Variants in MIS18A observed in about 807,000 individuals in gnomAD.
MIS18A encodes protein Mis18-alpha.
MIS18A carries 14 observed loss-of-function variants against 25.0 expected under a neutral mutation model. The observed-to-expected ratio is 0.56, with a 90% CI of 0.37 to 0.88. The LOEUF (loss-of-function observed/expected upper bound fraction) is 0.88, where lower values mean the gene tolerates loss of function less well. MIS18A is among the 40% of genes least tolerant of loss of function. The pLI, the probability that MIS18A is intolerant of heterozygous loss-of-function variation, is 0.00. For synonymous variants in MIS18A, 134 were observed against 118.6 expected (o/e 1.13, Z -0.84); for missense variants, 292 against 290.8 (o/e 1.00, Z -0.03).
chr21:32,168,990 G>A, the MIS18A span, among the ~76,000 whole-genome samples: 6,346 of 152,130 alleles, frequency 0.042, 430 homozygotes, highest in African/African-American at 0.14. Flanking sequence ...CCATAAAAGC[G>A]CAGAGAACAA....
the MIS18A span, chr21:32,197,634 G>C: frequency 6.6e-6 from 1 of 152,206 alleles, no homozygotes; most frequent in East Asian, 1.9e-4. Flanking sequence ...TTTCTGTAGA[G>C]ACCGTCTGCC....
At chr21:32,181,628 C>T in the MIS18A span, among the ~76,000 whole-genome samples, 1 of 152,074 alleles carries the variant, frequency 6.6e-6, no homozygotes, top group Non-Finnish European at 1.5e-5. Context: ...GACACAGTGC[C>T]CAGATAATGG....
At chr21:32,247,673 T>C in the MIS18A span, among the ~76,000 whole-genome samples, 1 of 152,048 alleles carries the variant, frequency 6.6e-6, no homozygotes, top group African/African-American at 2.4e-5. Context: ...AAAGAGGAGA[T>C]TAGGACATAG....
the MIS18A span, among the ~76,000 whole-genome samples, chr21:32,200,907 G>C: frequency 3.3e-5 from 5 of 152,178 alleles, no homozygotes; most frequent in East Asian, 9.6e-4. Context: ...CAGGAGGCAG[G>C]AGAACCAGAG....
chr21:32,238,144 C>T, the MIS18A span, among the ~76,000 whole-genome samples: 1 of 152,210 alleles, frequency 6.6e-6, no homozygotes, highest in Admixed American at 6.5e-5. Flanking sequence ...TCTAAAGCCC[C>T]ATCATAGATT....
At chr21:32,233,986 A>G in the MIS18A span, among the ~76,000 whole-genome samples, 1 of 152,216 alleles carries the variant, frequency 6.6e-6, no homozygotes, top group East Asian at 1.9e-4. Flanking sequence ...TATGACTACT[A>G]AATGTAATGC....
the MIS18A span, among the ~76,000 whole-genome samples, chr21:32,234,913 T>C: frequency 6.3e-4 from 96 of 152,342 alleles, 1 homozygote; most frequent in Middle Eastern, 6.8e-3. Flanking sequence ...TAAGCTGTAA[T>C]GCAAATCTTA....
the MIS18A span, among the ~76,000 whole-genome samples, chr21:32,215,907 C>T: frequency 1.3e-5 from 2 of 152,010 alleles, no homozygotes; most frequent in Non-Finnish European, 2.9e-5. Flanking sequence ...AGTTTGCAGG[C>T]TAGAATACAA....
At chr21:32,192,335 G>T in the MIS18A span, among the ~76,000 whole-genome samples, 1 of 152,094 alleles carries the variant, frequency 6.6e-6, no homozygotes, top group African/African-American at 2.4e-5. Flanking sequence ...CCCTGCCCTG[G>T]GGTCTCCTCG....
chr21:32,262,859 G>C, the MIS18A span, among the ~76,000 whole-genome samples: 5 of 152,128 alleles, frequency 3.3e-5, no homozygotes, highest in Admixed American at 3.3e-4. Context: ...CTAGGCCCCA[G>C]CACATCCATT....
the MIS18A span, among the ~76,000 whole-genome samples, chr21:32,155,374 C>G: frequency 6.6e-6 from 1 of 152,250 alleles, no homozygotes; most frequent in South Asian, 2.1e-4. Context: ...AGGGAGGCAG[C>G]TTGTATAGCT....
At chr21:32,165,030 T>C in the MIS18A span, among the ~76,000 whole-genome samples, 1 of 152,118 alleles carries the variant, frequency 6.6e-6, no homozygotes, top group Non-Finnish European at 1.5e-5. Flanking sequence ...AGATAGAGGA[T>C]ACAATTAAAA....
the MIS18A span, among the ~76,000 whole-genome samples, chr21:32,194,234 TTTTG>T: frequency 1.3e-5 from 2 of 152,210 alleles, no homozygotes; most frequent in African/African-American, 2.4e-5. Context: ...CCTTCTGTAC[TTTTG>T]TTTATCACAG....
chr21:32,249,886 A>G, the MIS18A span, among the ~76,000 whole-genome samples: 1 of 152,094 alleles, frequency 6.6e-6, no homozygotes, highest in African/African-American at 2.4e-5. Context: ...TAGCAACATG[A>G]GCTTTGCAGG....
the MIS18A span, among the ~76,000 whole-genome samples, chr21:32,238,717 C>T: frequency 6.6e-6 from 1 of 152,162 alleles, no homozygotes; most frequent in East Asian, 1.9e-4. Context: ...CTCTGTGGGT[C>T]CCAAGCCCTT....
chr21:32,227,665 CA>C, the MIS18A span, among the ~76,000 whole-genome samples: 1 of 152,064 alleles, frequency 6.6e-6, no homozygotes, highest in African/African-American at 2.4e-5. Context: ...CAAACTCTTC[CA>C]AAAAATAGAA....
chr21:32,276,465 A>C, intron 1 of MIS18A, among the ~76,000 whole-genome samples: 1 of 141,578 alleles, frequency 7.1e-6, no homozygotes, highest in Non-Finnish European at 1.5e-5. Context: ...TGTCTCAAAA[A>C]AAAAAAAAAA....
chr21:32,161,500 G>GTTTGT, the MIS18A span, among the ~76,000 whole-genome samples: 18 of 150,812 alleles, frequency 1.2e-4, no homozygotes, highest in South Asian at 2.5e-3. Flanking sequence ...TTGTTTGTTT[G>GTTTGT]TTGTTTTTGA....
rs1204749683 is a variant in MIS18A at position 32,269,719 on chromosome 21, C to T, written c.609G>A (p.Lys203=). 3.8e-6 allele frequency: 6 copies of T among 1,596,016 alleles called. No individual in the cohort carries two copies. The highest frequency in any genetic ancestry group is 3.4e-6 in the Non-Finnish European group (4 of 1,163,648). ...AGAATAAAATTACCTGTGTTAGAGACTTTTCTATTTCAACTCTGCTTTCAA... is the reference window on the plus strand; with the variant it reads ...AGAATAAAATTACCTGTGTTAGAGATTTTTCTATTTCAACTCTGCTTTCAA... The part of the protein sequence containing the change: ...FNLESRVEIE[K]SLTQMEDVLK... The change falls in exon 4 of 5, where the codon AAG becomes AAA. Residue 203 remains lysine (K), a synonymous_variant. Transcript: ENST00000290130.
Sources: allele counts gnomAD v4.1 joint callset (sites outside exome capture counted in the v4.1 genomes callset), GRCh38; gene constraint gnomAD v4.1.1; transcripts MANE v1.5; gene names NCBI Gene and HGNC (gene_info 2026-07-23, HGNC 2026-07-21).